PAK3: variants seen among roughly 807,000 people sequenced by gnomAD.
PAK3 encodes the protein serine/threonine-protein kinase PAK 3.
PAK3 carries 4 observed loss-of-function variants against 41.0 expected under a neutral mutation model. The observed-to-expected ratio is 0.10, with a 90% confidence interval of 0.05 to 0.22. The LOEUF is 0.22. Ranked by LOEUF, PAK3 falls within the 10% of genes least tolerant of loss-of-function variation. The pLI is 1.00. For missense variants in PAK3, 205 were observed against 409.9 expected (o/e 0.50, Z 4.32); for synonymous variants, 146 against 139.6 (o/e 1.05, Z -0.32).
intron 1 of PAK3, among the ~76,000 whole-genome samples, chrX:111,020,538 G>A (rs1363562936): frequency 1.8e-5 from 2 of 111,413 alleles, no homozygotes; most frequent in African/African-American, 6.5e-5. Context: ...ATAGGAGGCA[G>A]GACTAGCTTG....
chrX:111,195,729 G>A, intron 14 of PAK3, 113 bp from the exon 15 acceptor site: 1 of 512,618 alleles, frequency 2.0e-6, no homozygotes, highest in Admixed American at 2.8e-5. Context: ...TTCAGTAATC[G>A]ATTTCACTTG....
At chrX:111,211,748 G>A (rs1326855961) in intron 16 of PAK3, among the ~76,000 whole-genome samples, 2 of 109,741 alleles carry the variant, frequency 1.8e-5, no homozygotes, top group Non-Finnish European at 3.8e-5. Flanking sequence ...CTTTCTCCCT[G>A]TTCTTTTCCC....
At chrX:110,984,945 G>A (rs2091516185) in intron 1 of PAK3, among the ~76,000 whole-genome samples, 1 of 110,635 alleles carries the variant, frequency 9.0e-6, no homozygotes, top group Admixed American at 9.6e-5. Flanking sequence ...CCTGGGCCAT[G>A]TGGTGAAACC....
intron 8 of PAK3, among the ~76,000 whole-genome samples, chrX:111,160,642 G>A (rs1236236573): frequency 9.2e-6 from 1 of 109,032 alleles, no homozygotes; most frequent in African/African-American, 3.4e-5. Flanking sequence ...ACAGTCCCCG[G>A]TGTGTGATGT....
At chrX:110,988,780 C>T (rs1362643910) in intron 1 of PAK3, among the ~76,000 whole-genome samples, 3 of 111,807 alleles carry the variant, frequency 2.7e-5, no homozygotes, top group Non-Finnish European at 5.6e-5. Context: ...TGGCCCTGGC[C>T]TGAAATGTAA....
At chrX:111,136,760 G>A (rs1187638345) in intron 5 of PAK3, among the ~76,000 whole-genome samples, 1 of 111,867 alleles carries the variant, frequency 8.9e-6, no homozygotes, top group African/African-American at 3.3e-5. Context: ...AAAAAGATCT[G>A]GGGCAACTAT....
At chrX:111,005,995 A>G (rs2091916319) in intron 1 of PAK3, among the ~76,000 whole-genome samples, 1 of 111,607 alleles carries the variant, frequency 9.0e-6, no homozygotes, top group Non-Finnish European at 1.9e-5. Context: ...CCTGCTGACA[A>G]GAGTTCCTAT....
chrX:111,140,904 T>A (rs925820228), intron 5 of PAK3, among the ~76,000 whole-genome samples: 2 of 112,014 alleles, frequency 1.8e-5, no homozygotes, highest in Admixed American at 1.9e-4. Flanking sequence ...TTATCATGGG[T>A]AACCCACAAA....
At chrX:111,203,080 C>T (rs1041176280) in intron 16 of PAK3, among the ~76,000 whole-genome samples, 3 of 111,428 alleles carry the variant, frequency 2.7e-5, no homozygotes, top group African/African-American at 9.8e-5. Context: ...CCCCCATCCT[C>T]AGGGAAAAAT....
intron 4 of PAK3, among the ~76,000 whole-genome samples, chrX:111,113,040 T>C (rs1285430339): frequency 1.8e-5 from 2 of 111,732 alleles, no homozygotes; most frequent in African/African-American, 3.2e-5. Flanking sequence ...CCAAGGCTAA[T>C]AAATCTAATC....
At chrX:111,010,308 C>T (rs951619562) in intron 1 of PAK3, among the ~76,000 whole-genome samples, 1 of 111,562 alleles carries the variant, frequency 9.0e-6, no homozygotes, top group African/African-American at 3.3e-5. Flanking sequence ...AATTAGAGCT[C>T]CCTAGGAGCT....
At chrX:110,985,681 C>A (rs1254495925) in intron 1 of PAK3, among the ~76,000 whole-genome samples, 1 of 111,763 alleles carries the variant, frequency 8.9e-6, no homozygotes, top group African/African-American at 3.3e-5. Flanking sequence ...GTATAACCAG[C>A]ACGTATTGAG....
In PAK3 at chrX:111,162,804, T is replaced by TA. The variant is rs1320764606; in HGVS notation, c.469-110dup. 4.3e-6 allele frequency: 3 copies of TA among 696,950 alleles called. No individual in the cohort carries two copies. The Admixed American group carries it at 6.8e-5, about 16-fold the overall frequency. 57.4% of individuals were successfully genotyped at this position (696,950 alleles called of 1,213,427 possible). On this transcript the variant is annotated intron_variant, in intron 8 of 17. Coordinates refer to ENST00000372007, the MANE Select transcript of PAK3 (RefSeq NM_002578.5). The stretch of plus-strand genomic sequence containing the variant: ...TGATTCTGATCATTTGTGAAAGATG[T>TA]AGTTTCCTCCTATCCCTACATGCTT...
chrX:111,156,585 G>A (rs1430608745), intron 8 of PAK3, among the ~76,000 whole-genome samples: 4 of 111,934 alleles, frequency 3.6e-5, no homozygotes, highest in African/African-American at 1.3e-4. Flanking sequence ...CAGTAGATCT[G>A]GCTGTCTACA....
intron 16 of PAK3, among the ~76,000 whole-genome samples, chrX:111,208,689 G>A (rs1239478215): frequency 8.9e-6 from 1 of 111,922 alleles, no homozygotes; most frequent in African/African-American, 3.3e-5. Flanking sequence ...ACTCTATGAT[G>A]TTCACAAAAC....
chrX:111,109,574 T>C (rs2093334447), intron 4 of PAK3, among the ~76,000 whole-genome samples: 1 of 112,036 alleles, frequency 8.9e-6, no homozygotes, highest in Non-Finnish European at 1.9e-5. Context: ...CCTCTAGTCC[T>C]ACTTCCACCC....
intron 1 of PAK3, among the ~76,000 whole-genome samples, chrX:110,960,050 T>A (rs1046768081): frequency 3.6e-5 from 4 of 112,107 alleles, no homozygotes; most frequent in Non-Finnish European, 5.6e-5. Context: ...TTTATCAGTT[T>A]CCTCTCCAAC....
intron 1 of PAK3, among the ~76,000 whole-genome samples, chrX:111,077,683 T>C (rs2092798304): frequency 8.9e-6 from 1 of 111,764 alleles, no homozygotes; most frequent in Non-Finnish European, 1.9e-5. Context: ...GACTTAAATA[T>C]AATACTTGAA....
At chrX:111,193,745 CAAAAACAAAAAACA>C (rs201306607) in intron 13 of PAK3, among the ~76,000 whole-genome samples, 20 of 103,443 alleles carry the variant, frequency 1.9e-4, no homozygotes, top group Middle Eastern at 4.9e-3. Flanking sequence ...TGTAATTTTG[CAAAAACAAAAAACA>C]AAAAACAAAA....
Sources: gnomAD v4.1 joint callset for allele counts (sites outside exome capture counted in the v4.1 genomes callset) on GRCh38, gnomAD v4.1.1 for gene constraint, MANE v1.5 for transcripts, NCBI Gene and HGNC (gene_info 2026-07-23, HGNC 2026-07-21) for gene names.